BRD8: variants seen among roughly 807,000 people sequenced by gnomAD.
BRD8 encodes the protein bromodomain-containing protein 8.
BRD8 carries 67 observed loss-of-function variants against 143.1 expected under a neutral mutation model. That is an observed-to-expected ratio of 0.47 (90% confidence interval 0.38 to 0.57). The LOEUF (loss-of-function observed/expected upper bound fraction) is 0.57, where lower values mean the gene tolerates loss of function less well. BRD8 is among the 20% of genes least tolerant of loss of function. The pLI is 0.00. For synonymous variants in BRD8, 505 were observed against 517.1 expected (o/e 0.98, Z 0.32); for missense variants, 1,103 against 1,503.0 (o/e 0.73, Z 4.40).
chr5:138,157,112 C>G, intron 20 of BRD8: 1 of 1,589,474 alleles, frequency 6.3e-7, no homozygotes, highest in Non-Finnish European at 8.5e-7. Context: ...ACCTCCTCTT[C>G]TGTAACTTCC....
rs2151176691 is a variant in BRD8 at position 138,140,691 on chromosome 5, T to A, written c.3615+14A>T. On this transcript the variant is annotated intron_variant, in intron 26 of 26. Transcript: ENST00000254900. ...ATCAAGATTCCAGAGGCTACAGGTA[T>A]CTGCATACAGTACCTGAATCTGCTC... is the stretch of plus-strand genomic sequence containing the variant. The A allele has an allele frequency of 1.2e-6, 2 of 1,610,262 alleles. No homozygotes were observed. Among genetic ancestry groups the A allele is most frequent in the Middle Eastern group, 1.7e-4 (1 of 6,058 alleles).
At chr5:138,143,299 G>A (rs960849107) in intron 25 of BRD8, among the ~76,000 whole-genome samples, 5 of 151,712 alleles carry the variant, frequency 3.3e-5, no homozygotes, top group African/African-American at 1.2e-4. Context: ...ATAATAGTAA[G>A]TAAAAATTTA....
chr5:138,141,904 C>G (rs1751924838), intron 25 of BRD8, among the ~76,000 whole-genome samples: 1 of 151,892 alleles, frequency 6.6e-6, no homozygotes, highest in Admixed American at 6.6e-5. Context: ...AAGTCATGAC[C>G]AAGCACCTCT....
intron 18 of BRD8, 47 bp from the exon 19 acceptor site, chr5:138,160,220 G>A (rs754606097): frequency 4.5e-6 from 6 of 1,331,602 alleles, no homozygotes; most frequent in Non-Finnish European, 6.5e-6. Flanking sequence ...TGATTTAGTA[G>A]GGACAAATTA....
chr5:138,160,386 T>C (rs1413378134), intron 18 of BRD8, among the ~76,000 whole-genome samples: 5 of 152,176 alleles, frequency 3.3e-5, no homozygotes, highest in Non-Finnish European at 7.4e-5. Context: ...TGCTATAACA[T>C]AGGATCAAAA....
rs777161857 is a variant in BRD8, at chr5:138,145,828, T to C, written c.3329A>G (p.Lys1110Arg). The change falls in exon 24 of 27, where the codon AAG becomes AGG. Residue 1110 changes from lysine (K) to arginine (R), a missense_variant. Lys to Arg is a conservative substitution (Grantham distance 26, BLOSUM62 2). Around this residue, in one of 7 missense-constraint regions of BRD8, gnomAD observed 369 missense variants for 445.5 expected, o/e 0.83. Coordinates refer to ENST00000254900, the MANE Select transcript of BRD8 (RefSeq NM_139199.2). ...CATCTTCCAGACTGGCAGGAGAGTC[T>C]TCTTAAATAGCAAATGATCCTGAAC... is the stretch of plus-strand genomic sequence containing the variant. ...DPVQDHLLFK[K>R]TLLPVWKMIA... 6.2e-7 allele frequency: 1 copy of C among 1,614,102 alleles called. No individual in the cohort carries two copies.
intron 21 of BRD8, among the ~76,000 whole-genome samples, chr5:138,151,719 A>G (rs932069223): frequency 1.3e-5 from 2 of 152,262 alleles, no homozygotes; most frequent in African/African-American, 4.8e-5. Context: ...GCTGGAGTCC[A>G]ATGGCACGAT....
intron 25 of BRD8, among the ~76,000 whole-genome samples, chr5:138,143,226 G>GT (rs1751985695): frequency 6.6e-6 from 1 of 152,106 alleles, no homozygotes; most frequent in Admixed American, 6.5e-5. Context: ...TTGAGGCTCA[G>GT]TTATCCAAGA....
chr5:138,149,237 G>A (rs1414558015), intron 23 of BRD8, among the ~76,000 whole-genome samples: 1 of 151,876 alleles, frequency 6.6e-6, no homozygotes, highest in Non-Finnish European at 1.5e-5. Flanking sequence ...TCAGCTTCCG[G>A]AGTACCTGAG....
intron 2 of BRD8, chr5:138,177,096 A>C (rs1161131486): frequency 1.3e-5 from 2 of 152,478 alleles, no homozygotes; most frequent in Non-Finnish European, 2.9e-5. Context: ...CAAAAAAAAA[A>C]AAAAAAAAAT....
At chr5:138,159,427 G>T in intron 20 of BRD8, 128 bp downstream of exon 20, 2 of 946,734 alleles carry the variant, frequency 2.1e-6, no homozygotes, top group East Asian at 2.4e-5. Context: ...CTTATTCAAT[G>T]ACCTGAATAA....
intron 25 of BRD8, among the ~76,000 whole-genome samples, chr5:138,142,135 C>A (rs1561596391): frequency 6.6e-6 from 1 of 152,236 alleles, no homozygotes; most frequent in South Asian, 2.1e-4. Flanking sequence ...GGCTCCATAT[C>A]GAAGAGAGTG....
At chr5:138,150,295 ATGG>A (rs1752329401) in intron 22 of BRD8, among the ~76,000 whole-genome samples, 1 of 151,520 alleles carries the variant, frequency 6.6e-6, no homozygotes, top group South Asian at 2.1e-4. Flanking sequence ...TTTTGTAGAG[ATGG>A]TGTCTCCCTG....
At chr5:138,151,200 C>T (rs1752356865) in intron 21 of BRD8, among the ~76,000 whole-genome samples, 192 bp from the exon 22 acceptor site, 1 of 152,186 alleles carries the variant, frequency 6.6e-6, no homozygotes, top group African/African-American at 2.4e-5. Context: ...GGTGGGGACA[C>T]TACAGTGAAC....
intron 9 of BRD8, chr5:138,167,690 A>G: frequency 2.3e-6 from 1 of 438,380 alleles, no homozygotes; most frequent in Non-Finnish European, 4.2e-6. Flanking sequence ...AGCCCTAAGA[A>G]AGCAGTTCAA....
At chr5:138,170,215 T>C in intron 7 of BRD8, 130 bp downstream of exon 7, 2 of 712,034 alleles carry the variant, frequency 2.8e-6, no homozygotes, top group Non-Finnish European at 4.9e-6. Context: ...GGGATGTTTT[T>C]ATTCTGGTAG....
At position 138,161,852 on chromosome 5, in the gene BRD8, G is replaced by C. The variant is rs1205575918; in HGVS notation, c.2193C>G (p.Val731=). The change falls in exon 17 of 27, where the codon GTC becomes GTG. Residue 731 remains valine, a synonymous_variant. Transcript: ENST00000254900. ...RAAANHRYAN[V]FLQPVTDDIA... is the part of the protein sequence containing the mutation. ...TGTCATCTGTAACAGGCTGCAGGAA[G>C]ACATTGGCATACCTGTCCAAAAGGA... is the stretch of plus-strand genomic sequence containing the variant. The C allele has an allele frequency of 1.2e-6, 2 of 1,614,126 alleles. No individual in the cohort carries two copies. The highest frequency in any genetic ancestry group is 1.1e-5 in the South Asian group (1 of 91,068).
rs1432954586 is a variant in BRD8, at chr5:138,166,016, T to C, written c.1090A>G (p.Ile364Val). The C allele has an allele frequency of 6.2e-7, 1 of 1,614,104 alleles. No homozygotes were observed. The highest frequency in any genetic ancestry group is 1.3e-5 in the African/African-American group (1 of 74,934). The change falls in exon 11 of 27, where the codon ATC becomes GTC. Residue 364 changes from isoleucine to valine, a missense_variant. By Grantham distance (29) the Ile-to-Val change is conservative. Transcript: ENST00000254900. Reference sequence around the variant, plus strand: ...AAACACTCTTCTTTGATAGAATTGATGATCATGGATATTTCACTGCTGTCC... The same window carrying C: ...AAACACTCTTCTTTGATAGAATTGACGATCATGGATATTTCACTGCTGTCC... ...SMDSSEISMI[I>V]NSIKEECFRS... is the part of the protein sequence containing the mutation.
chr5:138,171,516 A>G, intron 3 of BRD8, 106 bp from the exon 4 acceptor site: 1 of 749,912 alleles, frequency 1.3e-6, no homozygotes, highest in South Asian at 1.6e-5. Flanking sequence ...AGAGAACTAT[A>G]TGTAAGACGG....
Sources: allele counts gnomAD v4.1 joint callset (sites outside exome capture counted in the v4.1 genomes callset), GRCh38; gene constraint gnomAD v4.1.1; regional missense constraint gnomAD v4.1.1; transcripts MANE v1.5; gene names NCBI Gene and HGNC (gene_info 2026-07-23, HGNC 2026-07-21).